The following TRIO variants were observed in gnomAD, a reference collection of about 807,000 sequenced individuals.
TRIO encodes the protein trio Rho guanine nucleotide exchange factor, also known as triple functional domain protein.
In TRIO, 58 loss-of-function variants were observed where a neutral mutation model predicts 351.9. The observed-to-expected ratio is 0.16, with a 90% CI of 0.13 to 0.21. The LOEUF is 0.21. Among genes scored for constraint, TRIO ranks in the 10% least tolerant of loss-of-function variants. The pLI, the probability that TRIO is intolerant of heterozygous loss-of-function variation, is 1.00. For missense variants in TRIO, 3,201 were observed against 4,027.8 expected, an observed-to-expected ratio of 0.79 and a Z score of 5.56; for synonymous variants, 1,758 against 1,595.7, an observed-to-expected ratio of 1.10 and a Z score of -2.42.
At chr5:14,489,174 A>AAT (rs1756288928) in intron 48 of TRIO, 1 of 590,202 alleles carries the variant, frequency 1.7e-6, no homozygotes, top group Non-Finnish European at 3.0e-6. Flanking sequence ...TTAAAAAAAA[A>AAT]ATCTAGCTTT....
intron 8 of TRIO, 44 bp downstream of exon 8, chr5:14,304,636 T>G (rs773484658): frequency 6.6e-5 from 104 of 1,586,998 alleles, no homozygotes; most frequent in Non-Finnish European, 8.3e-5. Flanking sequence ...GCATCATTTT[T>G]GCATCATAGT....
intron 34 of TRIO, among the ~76,000 whole-genome samples, chr5:14,423,629 C>G (rs1487848645): frequency 6.6e-6 from 1 of 152,232 alleles, no homozygotes. Flanking sequence ...CCAGTGTGAT[C>G]GGAAGGAAAA....
intron 1 of TRIO, among the ~76,000 whole-genome samples, chr5:14,170,785 G>T (rs1789053888): frequency 6.6e-6 from 1 of 152,124 alleles, no homozygotes; most frequent in Admixed American, 6.5e-5. Flanking sequence ...GATTACAGGA[G>T]TGAACCTCTG....
At position 14,290,753 on chromosome 5, in the gene TRIO, T is replaced by C. The variant is rs774060768; in HGVS notation, c.578T>C (p.Val193Ala). ...MVSLEGLTKV[V>A]DPSQLTPEFD... The stretch of plus-strand genomic sequence containing the variant: ...TCTTTAGAAGGCCTTACCAAAGTAG[T>C]TGATCCTTCTCAGCTAACTCCTGAG... Residue 193 changes from valine to alanine, a missense_variant, in exon 5 of 57, where the codon GTT (valine) becomes GCT (alanine). Coordinates refer to ENST00000344204, the MANE Select transcript of TRIO (RefSeq NM_007118.4). The C allele has an allele frequency of 1.2e-6, 2 of 1,614,098 alleles. No individual in the cohort carries two copies. The highest frequency in any genetic ancestry group is 1.1e-5 in the South Asian group (1 of 91,054).
chr5:14,466,879 C>T (rs1364042834), intron 37 of TRIO, among the ~76,000 whole-genome samples: 1 of 152,210 alleles, frequency 6.6e-6, no homozygotes, highest in African/African-American at 2.4e-5. Flanking sequence ...TATTTAATAA[C>T]TGTATAGTAT....
intron 11 of TRIO, among the ~76,000 whole-genome samples, chr5:14,354,494 CCTGCTGCG>C (rs1743433517): frequency 6.6e-6 from 1 of 152,196 alleles, no homozygotes; most frequent in Admixed American, 6.5e-5. Flanking sequence ...CGGACGCCCT[CCTGCTGCG>C]CTGCAGGTTC....
intron 11 of TRIO, among the ~76,000 whole-genome samples, chr5:14,353,226 A>G (rs61059406): frequency 0.097 from 14,275 of 147,214 alleles, 1,043 homozygotes; most frequent in African/African-American, 0.21. Context: ...GCATTTACTT[A>G]TTTCTTCACT....
intron 34 of TRIO, among the ~76,000 whole-genome samples, chr5:14,446,685 T>C (rs768271063): frequency 5.3e-5 from 8 of 152,214 alleles, no homozygotes; most frequent in African/African-American, 1.9e-4. Flanking sequence ...TAGCTTTAGT[T>C]GAGCAGCATT....
intron 1 of TRIO, among the ~76,000 whole-genome samples, chr5:14,213,633 G>A (rs967381065): frequency 1.6e-4 from 24 of 152,196 alleles, no homozygotes; most frequent in Non-Finnish European, 1.5e-5. Context: ...GTTAAAGATG[G>A]TATGTTTAAA....
At position 14,338,588 on chromosome 5, in the gene TRIO, G is replaced by A. The variant is rs966449961; in HGVS notation, c.2046+1861G>A. On this transcript the variant is annotated intron_variant, in intron 11 of 56. Transcript: ENST00000344204. ...GGTGATCTGTGTATGAAAACAGATT[G>A]TGGCATAGTTCACTAAGCTGTGACA... 5.9e-5 allele frequency among the ~76,000 whole-genome samples: 9 copies of A among 152,260 alleles called. No homozygotes were observed. The East Asian group carries it at 1.7e-3, about 29-fold the overall frequency.
At chr5:14,357,079 A>T (rs548173362) in intron 11 of TRIO, among the ~76,000 whole-genome samples, 2 of 152,240 alleles carry the variant, frequency 1.3e-5, no homozygotes, top group Non-Finnish European at 2.9e-5. Context: ...TGCAGCTTAT[A>T]GTATGTCAGT....
At chr5:14,403,002 C>A (rs1281343541) in intron 31 of TRIO, among the ~76,000 whole-genome samples, 1 of 147,874 alleles carries the variant, frequency 6.8e-6, no homozygotes, top group Non-Finnish European at 1.5e-5. Flanking sequence ...GGTGAGGGTG[C>A]AGGTTGTGGT....
intron 31 of TRIO, among the ~76,000 whole-genome samples, chr5:14,401,589 T>C (rs1321681911): frequency 6.6e-6 from 1 of 152,160 alleles, no homozygotes. Flanking sequence ...GATACTGTTA[T>C]GATTTAAAAT....
In TRIO at chr5:14,492,519, G is replaced by C. The variant is rs370307887; in HGVS notation, c.7633-48G>C. 2.8e-5 allele frequency: 45 copies of C among 1,598,294 alleles called. No homozygotes were observed. The Admixed American group carries it at 3.0e-4, about 11-fold the overall frequency. ...AAGGGATTTCATGTGATCAGGTCTC[G>C]TTTCAGTTCCTCCCTGCCTTTCTCT... On this transcript the variant is annotated intron_variant, in intron 48 of 56. Coordinates refer to ENST00000344204, the MANE Select transcript of TRIO (RefSeq NM_007118.4).
At chr5:14,339,828 C>T (rs527533951) in intron 11 of TRIO, among the ~76,000 whole-genome samples, 1 of 152,068 alleles carries the variant, frequency 6.6e-6, no homozygotes, top group African/African-American at 2.4e-5. Context: ...AGGTTCCATG[C>T]GGGAAAGAAT....
intron 54 of TRIO, among the ~76,000 whole-genome samples, chr5:14,503,595 C>G (rs1240353822): frequency 6.6e-6 from 1 of 152,170 alleles, no homozygotes; most frequent in African/African-American, 2.4e-5. Context: ...CAGTGGCATC[C>G]CAGAACAGCA....
intron 48 of TRIO, among the ~76,000 whole-genome samples, chr5:14,491,534 C>T (rs1054526627): frequency 2.0e-5 from 3 of 152,340 alleles, no homozygotes; most frequent in African/African-American, 7.2e-5. Context: ...ATCTGCATTT[C>T]TTCTCCACCC....
chr5:14,400,872 A>G (rs1479016536), intron 30 of TRIO, 91 bp from the exon 31 acceptor site: 3 of 1,195,182 alleles, frequency 2.5e-6, no homozygotes, highest in South Asian at 2.7e-5. Flanking sequence ...TAACATGGCC[A>G]CAAGTAACCA....
In TRIO at chr5:14,457,406, A is replaced by T. The variant is rs115391020; in HGVS notation, c.5204-3613A>T. On this transcript the variant is annotated intron_variant, in intron 34 of 56. Coordinates refer to ENST00000344204, the MANE Select transcript of TRIO (RefSeq NM_007118.4). ...CCCCCCCGCCCCGCCCCCCGGTACT[A>T]GGAGTGACCATTTAGGCCATAGCCA... Among the ~76,000 whole-genome samples the T allele has an allele frequency of 9.8e-3, 666 of 68,276 alleles. 7 individuals are homozygous for T. The highest frequency in any genetic ancestry group is 0.033 in the Middle Eastern group (3 of 90). The allele number at this position is 68,276 out of a possible 152,430, so 44.8% of individuals were successfully genotyped here.
Sources: gnomAD v4.1 joint callset for allele counts (sites outside exome capture counted in the v4.1 genomes callset) on GRCh38, gnomAD v4.1.1 for gene constraint, MANE v1.5 for transcripts, NCBI Gene and HGNC (gene_info 2026-07-23, HGNC 2026-07-21) for gene names.